Variants in FGF12 observed in about 807,000 individuals in gnomAD.
FGF12 encodes fibroblast growth factor 12, also known as fibroblast growth factor 12B.
A neutral mutation model predicts 23.6 loss-of-function variants in FGF12; 14 were observed. That is an observed-to-expected ratio of 0.59 (90% confidence interval 0.39 to 0.93). FGF12 has a LOEUF of 0.93. Among genes scored for constraint, FGF12 ranks in the 40% least tolerant of loss-of-function variants. The pLI, the probability that FGF12 is intolerant of heterozygous loss-of-function variation, is 0.00. For synonymous variants in FGF12, 62 were observed against 77.3 expected (o/e 0.80, Z 1.04); for missense variants, 175 against 217.8 (o/e 0.80, Z 1.24).
At chr3:192,588,787 C>T (rs9869136) in intron 2 of FGF12, among the ~76,000 whole-genome samples, 1 of 151,914 alleles carries the variant, frequency 6.6e-6, no homozygotes, top group African/African-American at 2.4e-5. Context: ...TCACTTTCCA[C>T]TACATTAAAG....
chr3:192,305,679 A>AAAAAAATATATATATATATAT (rs1423738741), intron 4 of FGF12, among the ~76,000 whole-genome samples: 21 of 131,930 alleles, frequency 1.6e-4, no homozygotes, highest in South Asian at 2.6e-4. Context: ...AAAAAAAAAA[A>AAAAAAATATATATATATATAT]ATATATATAT....
chr3:192,336,746 C>T lies in FGF12; in HGVS notation c.125-1282G>A, dbSNP rs563289866. On this transcript the variant is annotated intron_variant, in intron 3 of 5. Coordinates refer to ENST00000445105, the MANE Select transcript of FGF12 (RefSeq NM_004113.6). This position sits in a 1 kb window ranked among gnomAD's most constrained non-coding sequence, Gnocchi z 4.3. The stretch of plus-strand genomic sequence containing the variant: ...GGGCTACCATTATTTAGGGATGCCT[C>T]TATTTTTCTCGGCTTCTCTCAACCT... Among the ~76,000 whole-genome samples the T allele has an allele frequency of 6.6e-6, 1 of 152,166 alleles. No homozygotes were observed. Among genetic ancestry groups the T allele is most frequent in the South Asian group, 2.1e-4 (1 of 4,822 alleles).
chr3:192,408,555 G>A lies in FGF12; in HGVS notation c.14-48017C>T. On this transcript the variant is annotated intron_variant, in intron 2 of 5. Coordinates refer to ENST00000445105, the MANE Select transcript of FGF12 (RefSeq NM_004113.6). This position sits in a 1 kb window ranked among gnomAD's most constrained non-coding sequence, Gnocchi z 7.3. ...GGCGATCGGCGTCCAAGGGGCAGTGGGGAGTTTAGTCACACTGCGTTCGGG... is the reference window on the plus strand; with the variant it reads ...GGCGATCGGCGTCCAAGGGGCAGTGAGGAGTTTAGTCACACTGCGTTCGGG... 8.7e-7 allele frequency: 1 copy of A among 1,151,246 alleles called. No individual in the cohort carries two copies. Among genetic ancestry groups the A allele is most frequent in the Non-Finnish European group, 1.1e-6 (1 of 934,012 alleles). The allele number at this position is 1,151,246 out of a possible 1,614,324, so 71.3% of individuals were successfully genotyped here.
chr3:192,640,918 T>A (rs1012304622), intron 2 of FGF12, among the ~76,000 whole-genome samples: 1 of 151,908 alleles, frequency 6.6e-6, no homozygotes, highest in African/African-American at 2.4e-5. Flanking sequence ...CCTTCAGAGA[T>A]CCTCATACCT....
chr3:192,641,104 T>TC (rs1169091463), intron 2 of FGF12, among the ~76,000 whole-genome samples: 996 of 56,564 alleles, frequency 0.018, 12 homozygotes, highest in African/African-American at 0.061. Context: ...CCTTTCACTT[T>TC]TTTTTTTTTT....
chr3:192,545,078 G>A (rs547498215), intron 2 of FGF12, among the ~76,000 whole-genome samples: 7 of 152,104 alleles, frequency 4.6e-5, no homozygotes, highest in Non-Finnish European at 7.4e-5. Flanking sequence ...CAAGGGAAGC[G>A]AGCCCCACAA....
At chr3:192,429,416 T>C (rs576587127) in intron 2 of FGF12, among the ~76,000 whole-genome samples, 1 of 152,278 alleles carries the variant, frequency 6.6e-6, no homozygotes, top group Admixed American at 6.5e-5. Flanking sequence ...TTTTCCTAAC[T>C]TCCCCCTCCA....
intron 3 of FGF12, among the ~76,000 whole-genome samples, chr3:192,345,929 C>T (rs1052467983): frequency 2.0e-5 from 3 of 151,776 alleles, no homozygotes; most frequent in African/African-American, 2.4e-5. Flanking sequence ...AAGCTTTGCA[C>T]GTTGTTATCA....
intron 2 of FGF12, among the ~76,000 whole-genome samples, chr3:192,463,742 G>C (rs568469925): frequency 1.6e-4 from 25 of 152,360 alleles, no homozygotes; most frequent in African/African-American, 6.0e-4. Flanking sequence ...TGATGGAAGA[G>C]TAAGAGCTTG....
At chr3:192,280,929 C>A (rs907912594) in intron 4 of FGF12, among the ~76,000 whole-genome samples, 2 of 152,028 alleles carry the variant, frequency 1.3e-5, no homozygotes, top group Non-Finnish European at 2.9e-5. Context: ...CTTATTTATT[C>A]TTGAAAATTC....
chr3:192,621,868 G>A (rs1210758862), intron 2 of FGF12, among the ~76,000 whole-genome samples: 1 of 151,982 alleles, frequency 6.6e-6, no homozygotes, highest in Non-Finnish European at 1.5e-5. Context: ...TTCTTTGGGG[G>A]CAATAAGGGA....
In FGF12 at chr3:192,335,351, A is replaced by G; in HGVS notation, c.228+10T>C. ...CACATACACACAAATACACACTACAATGTACTTACTGAACTGTAGAGATAG... is the reference window on the plus strand; with the variant it reads ...CACATACACACAAATACACACTACAGTGTACTTACTGAACTGTAGAGATAG... On this transcript the variant is annotated intron_variant, in intron 4 of 5. Coordinates refer to ENST00000445105, the MANE Select transcript of FGF12 (RefSeq NM_004113.6). 6.4e-7 allele frequency: 1 copy of G among 1,566,004 alleles called. No individual in the cohort carries two copies. Among genetic ancestry groups the G allele is most frequent in the Non-Finnish European group, 8.8e-7 (1 of 1,136,484 alleles).
rs115618690 is a variant in FGF12, at chr3:192,435,573, T to C, written c.14-75035A>G. ...CCCAATTTCTGGTCCCAGAACAGCATTGTTCGGCCAGCAGGCTATACATGA... is the reference window on the plus strand; with the variant it reads ...CCCAATTTCTGGTCCCAGAACAGCACTGTTCGGCCAGCAGGCTATACATGA... On this transcript the variant is annotated intron_variant, in intron 2 of 5. Coordinates refer to ENST00000445105, the MANE Select transcript of FGF12 (RefSeq NM_004113.6). Among the ~76,000 whole-genome samples the C allele has an allele frequency of 8.1e-3, 1,239 of 152,278 alleles. 18 individuals are homozygous for C. The highest frequency in any genetic ancestry group is 0.026 in the African/African-American group (1,101 of 41,558).
chr3:192,269,209 C>T (rs1235673379), intron 4 of FGF12, among the ~76,000 whole-genome samples: 2 of 152,190 alleles, frequency 1.3e-5, no homozygotes, highest in Non-Finnish European at 2.9e-5. Context: ...CATGAGCTAA[C>T]ATACTTGGCC....
chr3:192,249,189 G>T (rs1560034132), intron 4 of FGF12, among the ~76,000 whole-genome samples: 1 of 152,064 alleles, frequency 6.6e-6, no homozygotes, highest in Non-Finnish European at 1.5e-5. Context: ...AAGGTCCCTA[G>T]CAGAATGTCT....
chr3:192,423,478 CTT>C (rs1303052401), intron 2 of FGF12, among the ~76,000 whole-genome samples: 1 of 152,088 alleles, frequency 6.6e-6, no homozygotes, highest in Non-Finnish European at 1.5e-5. Flanking sequence ...ACAGCTTAAA[CTT>C]TTTGTTTCTT....
At chr3:192,331,208 G>C (rs1717097722) in intron 4 of FGF12, among the ~76,000 whole-genome samples, 2 of 148,862 alleles carry the variant, frequency 1.3e-5, no homozygotes, top group African/African-American at 2.5e-5. Flanking sequence ...GAAACAAAAA[G>C]TATCAAGTGT....
chr3:192,224,362 T>G (rs1718622470), intron 4 of FGF12, among the ~76,000 whole-genome samples: 1 of 152,170 alleles, frequency 6.6e-6, no homozygotes, highest in Non-Finnish European at 1.5e-5. Context: ...AGATAACATT[T>G]CTTTTTCCTT....
chr3:192,507,977 A>G (rs1054316868), intron 2 of FGF12, among the ~76,000 whole-genome samples: 13 of 152,172 alleles, frequency 8.5e-5, no homozygotes, highest in African/African-American at 2.7e-4. Flanking sequence ...AGTTCCTCCA[A>G]GTTAAGCAAA....
Sources: allele counts gnomAD v4.1 joint callset (sites outside exome capture counted in the v4.1 genomes callset), GRCh38; gene constraint gnomAD v4.1.1; non-coding constraint Gnocchi (gnomAD v3.1); transcripts MANE v1.5; gene names NCBI Gene and HGNC (gene_info 2026-07-23, HGNC 2026-07-21).